Variants in FCRL5 observed in about 807,000 individuals in gnomAD.
FCRL5 encodes the protein Fc receptor like 5.
A neutral mutation model predicts 92.1 loss-of-function variants in FCRL5; 79 were observed. The observed-to-expected ratio is 0.86, with a 90% CI of 0.72 to 1.03. FCRL5 has a LOEUF of 1.03. Among genes scored for constraint, FCRL5 ranks in the 50% least tolerant of loss-of-function variants. The probability of loss-of-function intolerance (pLI) is 0.00; values close to 1 mark genes in which losing one functional copy is unlikely to be tolerated. For synonymous variants in FCRL5, 466 were observed against 469.3 expected (o/e 0.99, Z 0.09); for missense variants, 1,160 against 1,181.1 (o/e 0.98, Z 0.26).
At chr1:157,541,781 T>C (rs1651274251) in intron 6 of FCRL5, 1 of 152,284 alleles carries the variant, frequency 6.6e-6, no homozygotes, top group African/African-American at 2.4e-5. Flanking sequence ...GTTAGTGTAG[T>C]CGTAGATGCA....
intron 12 of FCRL5, among the ~76,000 whole-genome samples, chr1:157,520,171 C>T (rs561132915): frequency 5.3e-5 from 8 of 152,114 alleles, no homozygotes; most frequent in East Asian, 3.9e-4. Context: ...TTATAAGGGT[C>T]GAGAGGAAGA....
Position 157,515,936 on chromosome 1 carries a change from C to A in FCRL5, c.2813-63G>T, listed in dbSNP as rs566620149. ...GCATGGGGCTCTTCCCTTGTGCCTGCGCTGTGGGGCCAGCCCTGAGCCTCC... is the reference window on the plus strand; with the variant it reads ...GCATGGGGCTCTTCCCTTGTGCCTGAGCTGTGGGGCCAGCCCTGAGCCTCC... On this transcript the variant is annotated intron_variant, in intron 15 of 16. Transcript: ENST00000361835. 7.6e-6 allele frequency: 12 copies of A among 1,585,774 alleles called. No individual in the cohort carries two copies. The Admixed American group carries it at 1.7e-4, about 22-fold the overall frequency.
intron 6 of FCRL5, chr1:157,542,095 C>G (rs775082497): frequency 6.6e-6 from 1 of 152,292 alleles, no homozygotes; most frequent in Non-Finnish European, 1.5e-5. Context: ...AAACTGATGC[C>G]GCTTCCAGGA....
At chr1:157,546,656 A>G (rs1208158192) in intron 3 of FCRL5, among the ~76,000 whole-genome samples, 1 of 152,220 alleles carries the variant, frequency 6.6e-6, no homozygotes, top group East Asian at 1.9e-4. Context: ...TGTATGGTTG[A>G]TAAGCTGCCC....
intron 7 of FCRL5, among the ~76,000 whole-genome samples, chr1:157,538,237 C>T (rs1651067770): frequency 6.6e-6 from 1 of 152,154 alleles, no homozygotes; most frequent in Admixed American, 6.5e-5. Flanking sequence ...TAATCACACA[C>T]ATCCATGTGG....
In FCRL5 at chr1:157,521,234, CCCCACCG is replaced by C; in HGVS notation, c.2291_2297del (p.Ala764GlyfsTer11). 6.2e-7 allele frequency: 1 copy of C among 1,614,080 alleles called. No homozygotes were observed. The highest frequency in any genetic ancestry group is 8.5e-7 in the Non-Finnish European group (1 of 1,180,028). On this transcript the variant is annotated frameshift_variant, in exon 11 of 17. Transcript: ENST00000361835. LOFTEE classifies it high-confidence loss of function. ...CCTCACAGTGAAGCTCCAGCAGGTC[CCCCACCG>C]CAGCATGGGTCCCGGGAGCCCTGAG...
At chr1:157,519,605 C>T (rs935520529) in intron 13 of FCRL5, 138 bp downstream of exon 13, 10 of 865,742 alleles carry the variant, frequency 1.2e-5, no homozygotes, top group East Asian at 2.5e-5. Context: ...TCCCCAGGGA[C>T]GTACAACAGG....
At chr1:157,544,629 C>A in intron 4 of FCRL5, 83 bp from the exon 5 acceptor site, 1 of 1,523,844 alleles carries the variant, frequency 6.6e-7, no homozygotes, top group Non-Finnish European at 9.0e-7. Context: ...AGCAGCACAT[C>A]CAAAAGCAGG....
chr1:157,545,141 T>G (rs977230307), intron 3 of FCRL5, 59 bp from the exon 4 acceptor site: 2 of 1,544,244 alleles, frequency 1.3e-6, no homozygotes, highest in Admixed American at 2.3e-5. Flanking sequence ...TTCTTTTCAT[T>G]GTTTTTCCAA....
rs1650348514 is a variant in FCRL5, at chr1:157,524,566, G to A, written c.1961-9C>T. On this transcript the variant is annotated splice_polypyrimidine_tract_variant and intron_variant, in intron 9 of 16. Coordinates refer to ENST00000361835, the MANE Select transcript of FCRL5 (RefSeq NM_031281.3). Reference sequence around the variant, plus strand: ...GGGACGAGATACTGGAACTGAGGGAGGAAAAACGTTATGTATCAGCTGCTT... The same window carrying A: ...GGGACGAGATACTGGAACTGAGGGAAGAAAAACGTTATGTATCAGCTGCTT... The A allele has an allele frequency of 1.3e-6, 2 of 1,565,036 alleles. No individual in the cohort carries two copies. The highest frequency in any genetic ancestry group is 2.3e-5 in the East Asian group (1 of 44,264).
chr1:157,547,074 T>TC lies in FCRL5; in HGVS notation c.175_176insG (p.His59ArgfsTer18). 1 of 1,614,226 alleles carries TC rather than the reference T, an allele frequency of 6.2e-7. No homozygotes were observed. The highest frequency in any genetic ancestry group is 8.5e-7 in the Non-Finnish European group (1 of 1,180,040). On this transcript the variant is annotated frameshift_variant, in exon 3 of 17. Coordinates refer to ENST00000361835, the MANE Select transcript of FCRL5 (RefSeq NM_031281.3). LOFTEE classifies it high-confidence loss of function. Reference sequence around the variant, plus strand: ...TAGTATTTCTTTCCCAAGGTACCGATGGTACCATTTTGTTTTCTGTGGTGA... The same window carrying TC: ...TAGTATTTCTTTCCCAAGGTACCGATCGGTACCATTTTGTTTTCTGTGGTGA...
chr1:157,545,200 A>T (rs1651473816), intron 3 of FCRL5, 118 bp from the exon 4 acceptor site: 3 of 1,142,338 alleles, frequency 2.6e-6, no homozygotes, highest in Admixed American at 5.8e-5. Flanking sequence ...CTCTTAAAAT[A>T]ATTATCATTT....
At chr1:157,538,975 G>T in intron 7 of FCRL5, 111 bp downstream of exon 7, 1 of 1,220,660 alleles carries the variant, frequency 8.2e-7, no homozygotes, top group Non-Finnish European at 1.1e-6. Flanking sequence ...ATATTAGGTT[G>T]TTTCAAGAAA....
chr1:157,524,908 A>AT (rs1650362421), intron 9 of FCRL5, among the ~76,000 whole-genome samples: 1 of 152,212 alleles, frequency 6.6e-6, no homozygotes, highest in African/African-American at 2.4e-5. Flanking sequence ...CAGGGATGTA[A>AT]TTGCATCTGG....
chr1:157,531,644 A>C (rs999974430), intron 8 of FCRL5, among the ~76,000 whole-genome samples: 1 of 152,228 alleles, frequency 6.6e-6, no homozygotes, highest in African/African-American at 2.4e-5. Context: ...AGCCATAAAA[A>C]ATAATGAAAT....
At chr1:157,524,631 T>C in intron 9 of FCRL5, 74 bp from the exon 10 acceptor site, 3 of 1,458,586 alleles carry the variant, frequency 2.1e-6, no homozygotes, top group Non-Finnish European at 2.8e-6. Context: ...ACATTTCAAA[T>C]GGAAGAATGT....
At chr1:157,540,324 C>G (rs1327179089) in intron 6 of FCRL5, among the ~76,000 whole-genome samples, 1 of 152,208 alleles carries the variant, frequency 6.6e-6, no homozygotes. Flanking sequence ...TTTCCACCAG[C>G]AGAACCACAC....
intron 7 of FCRL5, 50 bp downstream of exon 7, chr1:157,539,036 G>T: frequency 6.3e-7 from 1 of 1,588,018 alleles, no homozygotes; most frequent in South Asian, 1.2e-5. Context: ...GGTTGGGTAA[G>T]AGAGGACTCT....
rs1256091138 is a variant in FCRL5, at chr1:157,523,950, G to A, written c.2239+329C>T. On this transcript the variant is annotated intron_variant, in intron 10 of 16. Transcript: ENST00000361835. ...AAGAAACAGCTTAATCCTTTCTACG[G>A]CAGAGAAACATATGCTCAGAATTCT... is the stretch of plus-strand genomic sequence containing the variant. 9.9e-6 allele frequency: 4 copies of A among 403,484 alleles called. No individual in the cohort carries two copies. In the South Asian group the frequency reaches 3.8e-4, roughly 38 times the overall value. The allele number at this position is 403,484 out of a possible 1,614,324, so 25.0% of individuals were successfully genotyped here.
Sources: gnomAD v4.1 joint callset for allele counts (sites outside exome capture counted in the v4.1 genomes callset) on GRCh38, gnomAD v4.1.1 for gene constraint, MANE v1.5 for transcripts, NCBI Gene and HGNC (gene_info 2026-07-23, HGNC 2026-07-21) for gene names.